The following RGPD1 variants were observed in gnomAD, a reference collection of about 807,000 sequenced individuals.
RGPD1 encodes the protein RANBP2-like and GRIP domain-containing protein 1.
Under a neutral mutation model 40.6 loss-of-function variants are expected in RGPD1, and 7 were observed. That is an observed-to-expected ratio of 0.17 (90% CI 0.10 to 0.32). RGPD1 has a LOEUF of 0.32. Among genes scored for constraint, RGPD1 ranks in the 10% least tolerant of loss-of-function variants. The pLI is 1.00. For synonymous variants in RGPD1, 24 were observed against 167.0 expected, an observed-to-expected ratio of 0.14 and a Z score of 6.60; for missense variants, 50 against 472.5, an observed-to-expected ratio of 0.11 and a Z score of 8.29.
chr2:86,944,672 C>G (rs1176899848), intron 1 of RGPD1, among the ~76,000 whole-genome samples: 1 of 151,672 alleles, frequency 6.6e-6, no homozygotes, highest in African/African-American at 2.4e-5. Flanking sequence ...CTCCACTTCC[C>G]AAAGTGTTGG....
chr2:86,923,346 G>A (rs969171937), intron 1 of RGPD1, among the ~76,000 whole-genome samples: 13 of 151,606 alleles, frequency 8.6e-5, no homozygotes, highest in East Asian at 3.9e-4. Flanking sequence ...GGCCTCCATG[G>A]TGTTATTCTT....
intron 1 of RGPD1, among the ~76,000 whole-genome samples, chr2:86,945,215 C>T (rs538827169): frequency 9.9e-5 from 15 of 152,152 alleles, no homozygotes; most frequent in African/African-American, 3.1e-4. Flanking sequence ...GTTATTATGA[C>T]CACCTCTCTT....
At chr2:86,913,990 C>CCTCGACCT (rs1677576856) in intron 1 of RGPD1, 1 of 896,780 alleles carries the variant, frequency 1.1e-6, no homozygotes, top group Non-Finnish European at 1.4e-6. Flanking sequence ...GGCCGGGCGG[C>CCTCGACCT]GGCGGCGGCC....
Position 86,942,827 on chromosome 2 carries a change from C to G in RGPD1, c.72+519C>G, listed in dbSNP as rs1457116103. 1.3e-5 allele frequency among the ~76,000 whole-genome samples: 2 copies of G among 151,982 alleles called. 1 individual carries two copies. Among genetic ancestry groups the G allele is most frequent in the Non-Finnish European group, 2.9e-5 (2 of 67,950 alleles). Reference sequence around the variant, plus strand: ...CTGTGGGCGGCGTGGCGCTTGCAAGCGCAGGAAGAGTCCTGGGGGGACCGC... The same window carrying G: ...CTGTGGGCGGCGTGGCGCTTGCAAGGGCAGGAAGAGTCCTGGGGGGACCGC... On this transcript the variant is annotated intron_variant, in intron 1 of 22. Coordinates refer to ENST00000641458, the MANE Select transcript of RGPD1 (RefSeq NM_001382344.1).
At chr2:86,914,101 G>A (rs1329662851) in intron 1 of RGPD1, among the ~76,000 whole-genome samples, 1 of 108,962 alleles carries the variant, frequency 9.2e-6, no homozygotes, top group Non-Finnish European at 1.9e-5. Flanking sequence ...CGGCGGCGGC[G>A]GCGGCGGCGG....
At chr2:86,914,736 C>A (rs1376716703) in intron 1 of RGPD1, among the ~76,000 whole-genome samples, 4 of 28,232 alleles carry the variant, frequency 1.4e-4, no homozygotes, top group Non-Finnish European at 2.4e-4. Flanking sequence ...GCGGCGGCGG[C>A]GGCGGCGGCG....
chr2:87,008,780 TAAAA>T (rs1282885869), intron 22 of RGPD1, among the ~76,000 whole-genome samples: 1 of 44,270 alleles, frequency 2.3e-5, no homozygotes, highest in Non-Finnish European at 4.3e-5. Flanking sequence ...ATACTAGAAA[TAAAA>T]AACACCATAA....
In RGPD1 at chr2:86,930,595, A is replaced by G. The variant is rs1193842307; in HGVS notation, c.72+16674A>G. 3.6e-5 allele frequency: 58 copies of G among 1,611,512 alleles called. No homozygotes were observed. In the East Asian group the frequency reaches 1.3e-3, roughly 35 times the overall value. ...AGCAGCCAGAACCACCAGAGCTCAT[A>G]GTAGTAGGTGCAGCAGCCAGTCTCC... On this transcript the variant is annotated intron_variant, in intron 1 of 22. Transcript: ENST00000398193.
At chr2:86,931,282 C>T (rs541528638) in intron 1 of RGPD1, among the ~76,000 whole-genome samples, 1 of 151,934 alleles carries the variant, frequency 6.6e-6, no homozygotes, top group Admixed American at 6.5e-5. Context: ...TACTCACCCC[C>T]ATATTTCTGG....
intron 1 of RGPD1, among the ~76,000 whole-genome samples, chr2:86,925,580 T>C (rs1161113803): frequency 6.6e-6 from 1 of 152,222 alleles, no homozygotes; most frequent in Non-Finnish European, 1.5e-5. Context: ...GGATATTCTT[T>C]TTATAACATT....
At chr2:86,971,128 G>A (rs1249620682) in intron 8 of RGPD1, among the ~76,000 whole-genome samples, 4 of 32,134 alleles carry the variant, frequency 1.2e-4, no homozygotes, top group Non-Finnish European at 2.0e-4. Context: ...TCCGCCTCCC[G>A]GGTTCACGCC....
upstream of RGPD1, chr2:86,913,777 C>T (rs374546133): frequency 0.043 from 61,286 of 1,427,996 alleles, 5,964 homozygotes; most frequent in African/African-American, 0.35. Context: ...CAGGCGCTTT[C>T]CTGTTGGAAT....
intron 1 of RGPD1, among the ~76,000 whole-genome samples, chr2:86,931,939 ATT>A (rs1679004089): frequency 6.7e-6 from 1 of 148,392 alleles, no homozygotes; most frequent in East Asian, 1.9e-4. Context: ...TTATATATAT[ATT>A]TATGTATTAT....
At chr2:86,943,784 G>A (rs1680108921) in intron 1 of RGPD1, among the ~76,000 whole-genome samples, 1 of 152,220 alleles carries the variant, frequency 6.6e-6, no homozygotes, top group Non-Finnish European at 1.5e-5. Context: ...GCCGAGGAGG[G>A]CGGATTGCCT....
chr2:86,960,513 C>A (rs1680900109), intron 6 of RGPD1, among the ~76,000 whole-genome samples: 1 of 103,958 alleles, frequency 9.6e-6, no homozygotes, highest in Admixed American at 8.5e-5. Flanking sequence ...GCGTGAGCCA[C>A]CGCGCTCAGC....
chr2:86,941,667 T>C (rs1417583314), upstream of RGPD1, among the ~76,000 whole-genome samples: 1 of 151,610 alleles, frequency 6.6e-6, no homozygotes, highest in African/African-American at 2.4e-5. Flanking sequence ...GGTCTGACTT[T>C]TCCTCTAAGT....
At chr2:86,944,742 C>T (rs1378698444) in intron 1 of RGPD1, among the ~76,000 whole-genome samples, 2 of 152,106 alleles carry the variant, frequency 1.3e-5, no homozygotes, top group East Asian at 1.9e-4. Flanking sequence ...AGGTCTCTTT[C>T]TGTCTCCCAG....
chr2:86,941,883 T>C (rs953302208), upstream of RGPD1, among the ~76,000 whole-genome samples: 1 of 151,834 alleles, frequency 6.6e-6, no homozygotes, highest in African/African-American at 2.4e-5. Context: ...GGTAATTTTT[T>C]GTATTTTTAG....
intron 1 of RGPD1, among the ~76,000 whole-genome samples, chr2:86,944,571 G>T (rs552919218): frequency 1.3e-5 from 2 of 152,052 alleles, no homozygotes; most frequent in Admixed American, 1.3e-4. Context: ...CTGCTGTTTT[G>T]TTCTGTTTTG....
Sources: allele counts gnomAD v4.1 joint callset (sites outside exome capture counted in the v4.1 genomes callset), GRCh38; gene constraint gnomAD v4.1.1; transcripts MANE v1.5; gene names NCBI Gene and HGNC (gene_info 2026-07-23, HGNC 2026-07-21).